The following RGS12 variants were observed in gnomAD, a reference collection of about 807,000 sequenced individuals.
RGS12 encodes regulator of G-protein signaling 12.
A neutral mutation model predicts 120.1 loss-of-function variants in RGS12; 66 were observed. That is an observed-to-expected ratio of 0.55 (90% CI 0.45 to 0.67). The LOEUF (loss-of-function observed/expected upper bound fraction) is 0.67, where lower values mean the gene tolerates loss of function less well. RGS12 is among the 30% of genes least tolerant of loss of function. RGS12 has a pLI of 0.00. For missense variants in RGS12, 1,859 were observed against 1,957.7 expected, an observed-to-expected ratio of 0.95 and a Z score of 0.95; for synonymous variants, 827 against 804.7, an observed-to-expected ratio of 1.03 and a Z score of -0.47.
intron 17 of RGS12, 161 bp downstream of exon 17, chr4:3,431,116 A>G: frequency 7.0e-7 from 1 of 1,436,420 alleles, no homozygotes; most frequent in Non-Finnish European, 9.1e-7. Context: ...CCTCTTGGAA[A>G]GGAGGGGCTC....
intron 1 of RGS12, among the ~76,000 whole-genome samples, chr4:3,296,017 G>A (rs1051723569): frequency 1.3e-5 from 2 of 152,196 alleles, no homozygotes; most frequent in Admixed American, 6.5e-5. Flanking sequence ...CTGTTGGCCC[G>A]CCCCAGTCAG....
At chr4:3,321,265 G>C (rs1399566967) in intron 2 of RGS12, among the ~76,000 whole-genome samples, 4 of 152,204 alleles carry the variant, frequency 2.6e-5, no homozygotes, top group Non-Finnish European at 5.9e-5. Context: ...CCCAGAGTAG[G>C]GGCCTTATCT....
At chr4:3,292,522 C>T (rs1461632654), upstream of RGS12, among the ~76,000 whole-genome samples, 1 of 152,240 alleles carries the variant, frequency 6.6e-6, no homozygotes, top group Non-Finnish European at 1.5e-5. Context: ...GGCGCCGGGG[C>T]CTGACTCCCC....
intron 17 of RGS12, chr4:3,431,550 CAAAG>C (rs989924108): frequency 3.0e-6 from 3 of 985,862 alleles, no homozygotes; most frequent in East Asian, 1.1e-4. Flanking sequence ...GGGCATTTCT[CAAAG>C]GAAGCAGGGG....
chr4:3,379,019 G>A (rs60006529), intron 3 of RGS12, among the ~76,000 whole-genome samples: 11 of 148,236 alleles, frequency 7.4e-5, no homozygotes, highest in African/African-American at 2.9e-4. Context: ...GTGTGTGTGT[G>A]TGTGTGTGTG....
At position 3,439,514 on chromosome 4, in the gene RGS12, G is replaced by T. The variant is rs749938610; in HGVS notation, c.4174G>T (p.Val1392Leu). ...CAACAGAATCATCGATGTGGATCTT[G>T]TAACTGGCTCGGCGCCCGGGCGGGA... ...PVNRIIDVDL[V>L]TGSAPGRDGG... is the part of the protein sequence containing the mutation. Residue 1392 changes from valine to leucine, a missense_variant, in exon 18 of 18, where the codon GTA becomes TTA. Transcript: ENST00000336727. 2 of 1,612,830 alleles carry T rather than the reference G, an allele frequency of 1.2e-6. No homozygotes were observed. The highest frequency in any genetic ancestry group is 2.2e-5 in the South Asian group (2 of 91,088).
chr4:3,292,561 C>T (rs1298403748), upstream of RGS12, among the ~76,000 whole-genome samples: 1 of 152,236 alleles, frequency 6.6e-6, no homozygotes, highest in South Asian at 2.1e-4. Flanking sequence ...CACAGAGACC[C>T]AACGGGAGCG....
rs369341971 is a variant in RGS12, at chr4:3,414,081, G to T, written c.2030G>T (p.Gly677Val). Reference sequence around the variant, plus strand: ...TGTGCTGGTCCCGCAGAGTTGACGGGCGCCGACCTGAAGGACTGCGTCAGC... The same window carrying T: ...TGTGCTGGTCCCGCAGAGTTGACGGTCGCCGACCTGAAGGACTGCGTCAGC... ...SATVSDGELT[G>V]ADLKDCVSNN... is the part of the protein sequence containing the mutation. Residue 677 changes from glycine (G) to valine (V), a missense_variant, in exon 5 of 18, where the codon GGC (glycine) becomes GTC (valine). Gly to Val is a moderately radical substitution (Grantham distance 109). Transcript: ENST00000336727. 124 of 1,562,850 alleles carry T rather than the reference G, an allele frequency of 7.9e-5. No individual in the cohort carries two copies. The highest frequency in any genetic ancestry group is 1.1e-4 in the Non-Finnish European group (122 of 1,158,798).
intron 2 of RGS12, among the ~76,000 whole-genome samples, chr4:3,337,052 C>T (rs1712557358): frequency 6.6e-6 from 1 of 152,106 alleles, no homozygotes; most frequent in African/African-American, 2.4e-5. Flanking sequence ...CTTGAATAGA[C>T]GTTTCTCCAA....
chr4:3,417,905 A>G (rs1261627577), intron 9 of RGS12: 1 of 202,502 alleles, frequency 4.9e-6, no homozygotes, highest in African/African-American at 2.3e-5. Flanking sequence ...AATACAATCA[A>G]GTAAAAATAG....
chr4:3,346,042 G>A (rs963807288), intron 3 of RGS12, among the ~76,000 whole-genome samples: 1 of 152,056 alleles, frequency 6.6e-6, no homozygotes, highest in Non-Finnish European at 1.5e-5. Context: ...ACCATGCCCC[G>A]ACCTGTTTTC....
rs771350917 is a variant in RGS12, at chr4:3,416,109, G to T, written c.2415G>T (p.Glu805Asp). 3 of 1,614,056 alleles carry T rather than the reference G, an allele frequency of 1.9e-6. No individual in the cohort carries two copies. In the Admixed American group the frequency reaches 5.0e-5, roughly 27 times the overall value. ...CACCTCACCCAGACATGTTCAAGGA[G>T]CAGCAGCTGCAGGTAACCGCAGGCT... ...LRAPHPDMFK[E>D]QQLQIFNLMK... The change falls in exon 7 of 18, where the codon GAG (glutamate) becomes GAT (aspartate). Residue 805 changes from glutamate (E) to aspartate (D), a missense_variant. By Grantham distance (45) the Glu-to-Asp change is conservative. Coordinates refer to ENST00000336727, the MANE Select transcript of RGS12 (RefSeq NM_001394154.1).
intron 2 of RGS12, among the ~76,000 whole-genome samples, chr4:3,334,128 G>A (rs1486705566): frequency 6.6e-6 from 1 of 152,178 alleles, no homozygotes; most frequent in Non-Finnish European, 1.5e-5. Flanking sequence ...AATAAATTAT[G>A]CATGCCAGCT....
Position 3,375,898 on chromosome 4 carries a change from T to A in RGS12, c.1999-10518T>A, listed in dbSNP as rs140246503. On this transcript the variant is annotated intron_variant, in intron 3 of 17. Coordinates refer to ENST00000336727, the MANE Select transcript of RGS12 (RefSeq NM_001394154.1). Reference sequence around the variant, plus strand: ...GGTTGGCACTGACACATTGGAAACCTGAGTCACGAATGTCGGCCTGGATGC... The same window carrying A: ...GGTTGGCACTGACACATTGGAAACCAGAGTCACGAATGTCGGCCTGGATGC... 7.2e-5 allele frequency among the ~76,000 whole-genome samples: 11 copies of A among 152,344 alleles called. No homozygotes were observed. In the East Asian group the frequency reaches 2.1e-3, roughly 29 times the overall value.
intron 2 of RGS12, among the ~76,000 whole-genome samples, chr4:3,336,363 A>G (rs534586712): frequency 2.6e-5 from 4 of 152,296 alleles, no homozygotes; most frequent in South Asian, 2.1e-4. Context: ...TGTTAGAACT[A>G]CGGGTGGTTT....
intron 4 of RGS12, among the ~76,000 whole-genome samples, chr4:3,409,963 G>A (rs1485785145): frequency 2.0e-5 from 3 of 152,316 alleles, no homozygotes; most frequent in African/African-American, 7.2e-5. Flanking sequence ...GTGCTGCTCC[G>A]TGCTGGCTCC....
chr4:3,306,165 T>C (rs2110367862), intron 1 of RGS12, among the ~76,000 whole-genome samples: 1 of 152,334 alleles, frequency 6.6e-6, no homozygotes, highest in South Asian at 2.1e-4. Context: ...TTCGTCTCTT[T>C]ACAGAGGCTC....
chr4:3,400,542 G>A (rs761913391), intron 4 of RGS12, among the ~76,000 whole-genome samples: 4 of 151,572 alleles, frequency 2.6e-5, no homozygotes, highest in Non-Finnish European at 5.9e-5. Context: ...CTGATAAAAA[G>A]CACTCATTCC....
intron 1 of RGS12, among the ~76,000 whole-genome samples, chr4:3,303,805 ACTTCCTTTTACTGTTG>A (rs1277161821): frequency 6.6e-6 from 1 of 152,260 alleles, no homozygotes; most frequent in Non-Finnish European, 1.5e-5. Context: ...TCTGAATGCT[ACTTCCTTTTACTGTTG>A]CTGGACTGTA....
Sources: gnomAD v4.1 joint callset for allele counts (sites outside exome capture counted in the v4.1 genomes callset) on GRCh38, gnomAD v4.1.1 for gene constraint, MANE v1.5 for transcripts, NCBI Gene and HGNC (gene_info 2026-07-23, HGNC 2026-07-21) for gene names.